CCNY: variants seen among roughly 807,000 people sequenced by gnomAD.
The protein encoded by CCNY is cyclin-Y.
A neutral mutation model predicts 42.8 loss-of-function variants in CCNY; 19 were observed. That is an observed-to-expected ratio of 0.44 (90% CI 0.31 to 0.65). CCNY has a LOEUF of 0.65. Ranked by LOEUF, CCNY falls within the 30% of genes least tolerant of loss-of-function variation. The pLI is 0.07. For synonymous variants in CCNY, 165 were observed against 162.7 expected (o/e 1.01, Z -0.11); for missense variants, 370 against 437.3 (o/e 0.85, Z 1.37).
intron 1 of CCNY, among the ~76,000 whole-genome samples, chr10:35,474,389 A>G (rs376117602): frequency 1.3e-5 from 2 of 152,246 alleles, no homozygotes; most frequent in African/African-American, 4.8e-5. Flanking sequence ...GCAGACTTAA[A>G]TGTCCCTGTC....
intron 1 of CCNY, among the ~76,000 whole-genome samples, chr10:35,421,565 T>C (rs1013032228): frequency 6.6e-6 from 1 of 152,244 alleles, no homozygotes; most frequent in Non-Finnish European, 1.5e-5. Flanking sequence ...ATTTGGTATT[T>C]AGAAGCGTCG....
intron 1 of CCNY, among the ~76,000 whole-genome samples, chr10:35,435,479 C>T (rs1838508677): frequency 6.6e-6 from 1 of 152,078 alleles, no homozygotes; most frequent in Admixed American, 6.5e-5. Context: ...CCCGTGTGGC[C>T]CATCTGCGTG....
At chr10:35,397,294 A>G (rs746052842) in intron 1 of CCNY, among the ~76,000 whole-genome samples, 2 of 152,144 alleles carry the variant, frequency 1.3e-5, no homozygotes, top group African/African-American at 4.8e-5. Context: ...TACTTACCCC[A>G]TGTCATTATA....
At chr10:35,544,739 G>A (rs770355230) in intron 7 of CCNY, among the ~76,000 whole-genome samples, 1 of 152,174 alleles carries the variant, frequency 6.6e-6, no homozygotes, top group African/African-American at 2.4e-5. Context: ...ATAGTGAGCT[G>A]CTCTTACCTG....
chr10:35,389,474 T>C (rs1255039817), intron 1 of CCNY, among the ~76,000 whole-genome samples: 1 of 146,590 alleles, frequency 6.8e-6, no homozygotes, highest in East Asian at 2.0e-4. Flanking sequence ...GGAGTCTAGC[T>C]CTGTTGCCAG....
chr10:35,507,766 T>C (rs1840243612), intron 3 of CCNY, among the ~76,000 whole-genome samples: 3 of 151,364 alleles, frequency 2.0e-5, no homozygotes, highest in Admixed American at 1.3e-4. Context: ...TTCAGGACAT[T>C]GACACTGTTG....
intron 1 of CCNY, among the ~76,000 whole-genome samples, chr10:35,461,923 C>A (rs1347962149): frequency 6.6e-6 from 1 of 152,026 alleles, no homozygotes; most frequent in Non-Finnish European, 1.5e-5. Flanking sequence ...TGTGGATTTT[C>A]TGTTTTTTTT....
At chr10:35,354,339 C>T (rs527935938) in intron 1 of CCNY, among the ~76,000 whole-genome samples, 1 of 152,096 alleles carries the variant, frequency 6.6e-6, no homozygotes, top group African/African-American at 2.4e-5. Context: ...GCGCCCACCA[C>T]CACGCCTGGC....
At chr10:35,312,768 T>A (rs968753389) in intron 3 of CCNY, among the ~76,000 whole-genome samples, 3 of 147,626 alleles carry the variant, frequency 2.0e-5, no homozygotes, top group East Asian at 2.0e-4. Flanking sequence ...TTTTTTTTTT[T>A]AGAGTTGGGG....
chr10:35,415,988 G>A (rs964743899), intron 1 of CCNY, among the ~76,000 whole-genome samples: 12 of 152,224 alleles, frequency 7.9e-5, no homozygotes, highest in African/African-American at 2.7e-4. Context: ...GAAGAAATTA[G>A]TTGCTCTTTT....
chr10:35,307,760 ATGTGTGTGTGTGTGTGTGTGTGTGTGTG>A (rs60407989), intron 3 of CCNY, among the ~76,000 whole-genome samples: 1 of 116,148 alleles, frequency 8.6e-6, no homozygotes, highest in Admixed American at 9.9e-5. Flanking sequence ...ATGTGTATAT[ATGTGTGTGTGTGTGTGTGTGTGTGTGTG>A]TGTGTGTGTG....
chr10:35,511,762 C>T (rs1190938704), intron 3 of CCNY, among the ~76,000 whole-genome samples: 1 of 152,168 alleles, frequency 6.6e-6, no homozygotes, highest in Non-Finnish European at 1.5e-5. Context: ...CTTTGATGGC[C>T]ATTAAATAAA....
At position 35,251,589 on chromosome 10, in the gene CCNY, CTTT is replaced by C. The variant is rs34197441; in HGVS notation, c.-9+978_-9+980del. Among the ~76,000 whole-genome samples the C allele has an allele frequency of 5.9e-3, 825 of 139,314 alleles. 8 individuals carry two copies. Among genetic ancestry groups the C allele is most frequent in the African/African-American group, 0.017 (642 of 37,860 alleles). The allele number at this position is 139,314 out of a possible 152,430, so 91.4% of individuals were successfully genotyped here. On this transcript the variant is annotated intron_variant, in intron 3 of 11. Transcript: ENST00000374706. ...CCTAGCAAGCAATCCTTCAATGTCA[CTTT>C]TTTTTTTTTTTTTTGAGACGGGATC...
At chr10:35,314,698 T>TA (rs1334790082) in intron 3 of CCNY, 1 of 152,170 alleles carries the variant, frequency 6.6e-6, no homozygotes, top group African/African-American at 2.4e-5. Flanking sequence ...TGAATGTCTA[T>TA]AAGATTGCAT....
intron 2 of CCNY, among the ~76,000 whole-genome samples, chr10:35,487,749 T>G (rs1216275077): frequency 1.3e-5 from 2 of 152,158 alleles, no homozygotes; most frequent in Admixed American, 6.5e-5. Flanking sequence ...GTGACTGCTT[T>G]CTTTCTTCAC....
chr10:35,515,174 G>C (rs1228399732), intron 3 of CCNY, among the ~76,000 whole-genome samples: 1 of 152,150 alleles, frequency 6.6e-6, no homozygotes, highest in African/African-American at 2.4e-5. Flanking sequence ...TAAGCCTAAG[G>C]AAAGAACCCT....
chr10:35,560,295 C>A (rs7914686), intron 8 of CCNY, among the ~76,000 whole-genome samples: 3,293 of 152,124 alleles, frequency 0.022, 113 homozygotes, highest in African/African-American at 0.075. Flanking sequence ...GAACTTTGTC[C>A]CCCTCAAATT....
In CCNY at chr10:35,252,588, AAAAAT is replaced by A. The variant is rs1368648027; in HGVS notation, c.-9+1963_-9+1967del. On this transcript the variant is annotated intron_variant, in intron 3 of 11. Transcript: ENST00000374706. ...CTCAAAAAAAAAAAAAAAAAAAAAA[AAAAAT>A]GAGAATATCCTTTGCACTTGCATTG... is the stretch of plus-strand genomic sequence containing the variant. 3.1e-5 allele frequency among the ~76,000 whole-genome samples: 2 copies of A among 64,796 alleles called. 1 individual carries two copies. The allele number at this position is 64,796 out of a possible 152,430, so 42.5% of individuals were successfully genotyped here. A position where few individuals can be genotyped will look rare whatever the true frequency, so the allele number is the denominator to read the frequency against.
At chr10:35,556,020 C>T (rs1841356283) in intron 8 of CCNY, among the ~76,000 whole-genome samples, 1 of 152,166 alleles carries the variant, frequency 6.6e-6, no homozygotes, top group Non-Finnish European at 1.5e-5. Context: ...GATGTTAAAA[C>T]TCTATTCCAT....
Sources: gnomAD v4.1 joint callset for allele counts (sites outside exome capture counted in the v4.1 genomes callset) on GRCh38, gnomAD v4.1.1 for gene constraint, MANE v1.5 for transcripts, NCBI Gene and HGNC (gene_info 2026-07-23, HGNC 2026-07-21) for gene names.